NETO1: variants seen among roughly 807,000 people sequenced by gnomAD.
NETO1 encodes the protein neuropilin and tolloid-like protein 1.
A neutral mutation model predicts 61.3 loss-of-function variants in NETO1; 26 were observed. That is an observed-to-expected ratio of 0.42 (90% CI 0.31 to 0.59). The LOEUF (loss-of-function observed/expected upper bound fraction) is 0.59, where lower values mean the gene tolerates loss of function less well. Ranked by LOEUF, NETO1 falls within the 20% of genes least tolerant of loss-of-function variation. The pLI, the probability that NETO1 is intolerant of heterozygous loss-of-function variation, is 0.12. For synonymous variants in NETO1, 225 were observed against 225.8 expected (o/e 1.00, Z 0.03); for missense variants, 531 against 662.8 (o/e 0.80, Z 2.18).
chr18:72,867,143 G>C (rs187455664), intron 1 of NETO1, 121 bp downstream of exon 1: 4 of 676,078 alleles, frequency 5.9e-6, no homozygotes, highest in Non-Finnish European at 9.0e-6. Flanking sequence ...GCCCCGACCC[G>C]CGCGGGACTG....
intron 4 of NETO1, among the ~76,000 whole-genome samples, chr18:72,835,998 G>C (rs1228681335): frequency 6.6e-6 from 1 of 152,192 alleles, no homozygotes; most frequent in Non-Finnish European, 1.5e-5. Context: ...TCTTGGCCTT[G>C]ACGTAGGAAG....
chr18:72,837,660 T>A (rs1025438501), intron 4 of NETO1, among the ~76,000 whole-genome samples: 1 of 152,198 alleles, frequency 6.6e-6, no homozygotes, highest in Non-Finnish European at 1.5e-5. Context: ...TTTACTGAAC[T>A]TATCTCTATG....
At chr18:72,778,638 T>C (rs1028451115) in intron 7 of NETO1, among the ~76,000 whole-genome samples, 19 of 152,174 alleles carry the variant, frequency 1.2e-4, no homozygotes, top group African/African-American at 4.6e-4. Context: ...TCTAAAAACA[T>C]ATTCCTCATT....
intron 4 of NETO1, among the ~76,000 whole-genome samples, chr18:72,800,390 G>A (rs2072465425): frequency 6.6e-6 from 1 of 152,076 alleles, no homozygotes; most frequent in Non-Finnish European, 1.5e-5. Context: ...TCCTATCTTT[G>A]TGAAGCAGGG....
chr18:72,865,134 G>A (rs1331265776), intron 2 of NETO1, 54 bp downstream of exon 2: 20 of 1,543,566 alleles, frequency 1.3e-5, no homozygotes, highest in South Asian at 4.6e-5. Flanking sequence ...AGGAAAATAG[G>A]AAAATACAAA....
intron 3 of NETO1, among the ~76,000 whole-genome samples, chr18:72,861,013 G>A (rs1354436385): frequency 6.6e-6 from 1 of 152,178 alleles, no homozygotes; most frequent in Non-Finnish European, 1.5e-5. Context: ...GAAAGATAGA[G>A]CAATGAAGAC....
intron 4 of NETO1, among the ~76,000 whole-genome samples, chr18:72,839,974 C>A (rs564076308): frequency 1.3e-5 from 2 of 152,308 alleles, no homozygotes; most frequent in South Asian, 4.1e-4. Flanking sequence ...ACTATAGGAG[C>A]TAAAGAACGC....
chr18:72,791,276 T>A (rs1476218777), intron 6 of NETO1, among the ~76,000 whole-genome samples: 3 of 152,246 alleles, frequency 2.0e-5, no homozygotes, highest in African/African-American at 7.2e-5. Flanking sequence ...AGTAAGCTAT[T>A]CAGCACTTTC....
intron 7 of NETO1, among the ~76,000 whole-genome samples, chr18:72,774,377 T>C (rs2071474885): frequency 6.6e-6 from 1 of 152,190 alleles, no homozygotes; most frequent in South Asian, 2.1e-4. Flanking sequence ...GTTATTCAAA[T>C]ACACAGTCCT....
intron 7 of NETO1, among the ~76,000 whole-genome samples, chr18:72,764,101 C>G (rs1036561938): frequency 6.6e-6 from 1 of 152,106 alleles, no homozygotes; most frequent in African/African-American, 2.4e-5. Flanking sequence ...GCCCTTGACA[C>G]GTGGGGATTG....
In NETO1 at chr18:72,745,362, A is replaced by G. The variant is rs1215917219; in HGVS notation, c.*2817T>C. On this transcript the variant is annotated 3_prime_UTR_variant, in exon 11 of 11. Transcript: ENST00000327305. Reference sequence around the variant, plus strand: ...TAATATGGGGATTCATTGGCATTGCATGTGATTATATGCTACCATTATTTT... The same window carrying G: ...TAATATGGGGATTCATTGGCATTGCGTGTGATTATATGCTACCATTATTTT... 1 of 152,226 alleles carries G rather than the reference A, an allele frequency of 6.6e-6. No homozygotes were observed. Among genetic ancestry groups the G allele is most frequent in the African/African-American group, 2.4e-5 (1 of 41,470 alleles). 9.4% of individuals were successfully genotyped at this position (152,226 alleles called of 1,614,324 possible).
At chr18:72,759,850 A>G (rs969239638) in intron 7 of NETO1, among the ~76,000 whole-genome samples, 1 of 152,212 alleles carries the variant, frequency 6.6e-6, no homozygotes, top group Non-Finnish European at 1.5e-5. Flanking sequence ...ATTTCAAGGA[A>G]AGTCAAAATT....
intron 4 of NETO1, among the ~76,000 whole-genome samples, chr18:72,847,244 T>C (rs756581071): frequency 4.6e-5 from 7 of 152,230 alleles, no homozygotes; most frequent in Admixed American, 3.3e-4. Flanking sequence ...GCCCTGCTGA[T>C]TGTGAACAGT....
chr18:72,866,764 G>T, intron 1 of NETO1: 1 of 991,130 alleles, frequency 1.0e-6, no homozygotes, highest in Non-Finnish European at 1.2e-6. Context: ...CGACATCAGC[G>T]GTCTCCAGGG....
intron 8 of NETO1, among the ~76,000 whole-genome samples, chr18:72,751,529 CT>C (rs1235350283): frequency 1.3e-5 from 2 of 152,194 alleles, no homozygotes; most frequent in African/African-American, 2.4e-5. Context: ...GGACATGCTT[CT>C]TTTCTGGCCT....
At chr18:72,816,141 T>A (rs1012320689) in intron 4 of NETO1, among the ~76,000 whole-genome samples, 2 of 151,770 alleles carry the variant, frequency 1.3e-5, no homozygotes, top group Non-Finnish European at 2.9e-5. Flanking sequence ...CAGCCTGGAA[T>A]TGGGGACAAA....
intron 4 of NETO1, among the ~76,000 whole-genome samples, chr18:72,803,620 A>C (rs1327114423): frequency 6.6e-6 from 1 of 152,100 alleles, no homozygotes; most frequent in Non-Finnish European, 1.5e-5. Flanking sequence ...CTGGGAGTTC[A>C]AGACCAGCCT....
intron 8 of NETO1, among the ~76,000 whole-genome samples, chr18:72,752,402 G>A (rs965732431): frequency 1.3e-5 from 2 of 152,196 alleles, no homozygotes; most frequent in Non-Finnish European, 2.9e-5. Flanking sequence ...AGAGAGCCCT[G>A]TTAAAACCGT....
chr18:72,770,712 T>C (rs116481101), intron 7 of NETO1, among the ~76,000 whole-genome samples: 294 of 152,288 alleles, frequency 1.9e-3, no homozygotes, highest in African/African-American at 6.7e-3. Context: ...CTTTCTCCAG[T>C]ACATAACATT....
Sources: gnomAD v4.1 joint callset for allele counts (sites outside exome capture counted in the v4.1 genomes callset) on GRCh38, gnomAD v4.1.1 for gene constraint, MANE v1.5 for transcripts, NCBI Gene and HGNC (gene_info 2026-07-23, HGNC 2026-07-21) for gene names.